The following DACH1 variants were observed in gnomAD, a reference collection of about 807,000 sequenced individuals.
DACH1 encodes the protein dachshund homolog 1.
In DACH1, 12 loss-of-function variants were observed where a neutral mutation model predicts 54.2. The observed-to-expected ratio is 0.22, with a 90% confidence interval of 0.14 to 0.36. The LOEUF (loss-of-function observed/expected upper bound fraction) is 0.36. DACH1 is among the 10% of genes least tolerant of loss of function. DACH1 has a pLI of 1.00. For synonymous variants in DACH1, 386 were observed against 366.2 expected, an observed-to-expected ratio of 1.05 and a Z score of -0.62; for missense variants, 805 against 929.8, an observed-to-expected ratio of 0.87 and a Z score of 1.75.
intron 4 of DACH1, 85 bp from the exon 5 acceptor site, chr13:71,560,040 A>G: frequency 7.4e-7 from 1 of 1,355,740 alleles, no homozygotes; most frequent in Non-Finnish European, 9.7e-7. Context: ...TTTTCTCAAT[A>G]CAATAAGAAA....
intron 6 of DACH1, among the ~76,000 whole-genome samples, chr13:71,519,323 A>G (rs1026309299): frequency 9.9e-5 from 15 of 151,944 alleles, no homozygotes; most frequent in South Asian, 2.1e-4. Context: ...TAGTATTTAA[A>G]CTTTCAAACA....
At chr13:71,850,520 C>T (rs143529777) in intron 1 of DACH1, among the ~76,000 whole-genome samples, 3 of 152,110 alleles carry the variant, frequency 2.0e-5, no homozygotes, top group South Asian at 2.1e-4. Flanking sequence ...ATGAACACTT[C>T]GCCACTTCCC....
intron 2 of DACH1, among the ~76,000 whole-genome samples, chr13:71,638,220 C>T (rs1877630914): frequency 6.6e-6 from 1 of 152,150 alleles, no homozygotes; most frequent in Non-Finnish European, 1.5e-5. Flanking sequence ...TGGCATTCTT[C>T]CTACTGATTA....
At chr13:71,683,980 T>C (rs1261378064) in intron 1 of DACH1, among the ~76,000 whole-genome samples, 3 of 152,136 alleles carry the variant, frequency 2.0e-5, no homozygotes, top group Non-Finnish European at 2.9e-5. Context: ...TGCTTTCCCC[T>C]GGTTCAGCGA....
chr13:71,775,284 A>C (rs1886021339), intron 1 of DACH1, among the ~76,000 whole-genome samples: 1 of 151,902 alleles, frequency 6.6e-6, no homozygotes, highest in Non-Finnish European at 1.5e-5. Context: ...CAGCCTGGGC[A>C]ACAGGGCAAG....
At chr13:71,634,967 C>T (rs1210944515) in intron 2 of DACH1, among the ~76,000 whole-genome samples, 1 of 152,080 alleles carries the variant, frequency 6.6e-6, no homozygotes, top group Non-Finnish European at 1.5e-5. Flanking sequence ...GGGGCTGGGG[C>T]CAAGGAGAGT....
chr13:71,659,963 A>G (rs1879384882), intron 2 of DACH1, among the ~76,000 whole-genome samples: 1 of 152,086 alleles, frequency 6.6e-6, no homozygotes, highest in Admixed American at 6.6e-5. Flanking sequence ...GCATTATACA[A>G]TTTCAATTCA....
chr13:71,701,638 G>C (rs899923115), intron 1 of DACH1, among the ~76,000 whole-genome samples: 1 of 152,122 alleles, frequency 6.6e-6, no homozygotes, highest in Non-Finnish European at 1.5e-5. Flanking sequence ...AATCTAAAAT[G>C]CACACTAAAA....
intron 2 of DACH1, among the ~76,000 whole-genome samples, chr13:71,657,763 G>A (rs915962699): frequency 2.6e-5 from 4 of 151,828 alleles, no homozygotes; most frequent in African/African-American, 9.7e-5. Context: ...TTATGTCTGA[G>A]TAATTCTATT....
chr13:71,741,965 A>T (rs1274219967), intron 1 of DACH1, among the ~76,000 whole-genome samples: 1 of 152,092 alleles, frequency 6.6e-6, no homozygotes, highest in African/African-American at 2.4e-5. Context: ...CCAAATTTCA[A>T]CTTGAATTGT....
At chr13:71,582,020 T>C (rs1008264715) in intron 3 of DACH1, among the ~76,000 whole-genome samples, 6 of 152,126 alleles carry the variant, frequency 3.9e-5, no homozygotes, top group African/African-American at 1.2e-4. Context: ...GTGAGGAAGA[T>C]TTGGAAGTCA....
intron 3 of DACH1, among the ~76,000 whole-genome samples, chr13:71,588,059 C>T (rs937924039): frequency 6.6e-6 from 1 of 152,060 alleles, no homozygotes; most frequent in African/African-American, 2.4e-5. Context: ...AATTTTGATG[C>T]AACACCACAT....
At chr13:71,627,674 G>A (rs1876758455) in intron 3 of DACH1, among the ~76,000 whole-genome samples, 1 of 152,068 alleles carries the variant, frequency 6.6e-6, no homozygotes, top group Non-Finnish European at 1.5e-5. Flanking sequence ...ATGACTGCCT[G>A]CTTACCTACC....
At chr13:71,531,645 A>G (rs1275261297) in intron 6 of DACH1, among the ~76,000 whole-genome samples, 1 of 152,082 alleles carries the variant, frequency 6.6e-6, no homozygotes, top group Non-Finnish European at 1.5e-5. Context: ...GCAAAGGAAT[A>G]GATAAAAAAA....
intron 10 of DACH1, among the ~76,000 whole-genome samples, chr13:71,460,185 T>C (rs1355389667): frequency 2.6e-5 from 4 of 152,130 alleles, no homozygotes; most frequent in Admixed American, 2.6e-4. Flanking sequence ...GAAAATCAGT[T>C]ATTATATGGC....
chr13:71,843,121 A>G (rs887619314), intron 1 of DACH1, among the ~76,000 whole-genome samples: 5 of 152,132 alleles, frequency 3.3e-5, no homozygotes, highest in African/African-American at 1.2e-4. Context: ...GTAGGTGTAT[A>G]CGTTACATGT....
intron 2 of DACH1, among the ~76,000 whole-genome samples, chr13:71,637,960 A>C (rs925303803): frequency 6.6e-6 from 1 of 152,194 alleles, no homozygotes; most frequent in African/African-American, 2.4e-5. Context: ...AAAGACATCA[A>C]GATGACTTCC....
intron 2 of DACH1, among the ~76,000 whole-genome samples, chr13:71,673,802 T>C (rs1323134776): frequency 6.6e-6 from 1 of 152,222 alleles, no homozygotes; most frequent in African/African-American, 2.4e-5. Flanking sequence ...ATGTTATTTC[T>C]ATAAATGTCA....
Position 71,493,965 on chromosome 13 carries a change from T to C in DACH1, c.1571-4817A>G, listed in dbSNP as rs149164543. Among the ~76,000 whole-genome samples the C allele has an allele frequency of 7.8e-3, 1,188 of 152,290 alleles. 17 individuals carry two copies. Among genetic ancestry groups the C allele is most frequent in the African/African-American group, 0.026 (1,094 of 41,578 alleles). Reference sequence around the variant, plus strand: ...TACAAGCTCCACTTTATAAGATTCTTAAATTATCTTGTTTTCTTTTATTAA... The same window carrying C: ...TACAAGCTCCACTTTATAAGATTCTCAAATTATCTTGTTTTCTTTTATTAA... On this transcript the variant is annotated intron_variant, in intron 6 of 10. Transcript: ENST00000613252.
Sources: allele counts gnomAD v4.1 joint callset (sites outside exome capture counted in the v4.1 genomes callset), GRCh38; gene constraint gnomAD v4.1.1; transcripts MANE v1.5; gene names NCBI Gene and HGNC (gene_info 2026-07-23, HGNC 2026-07-21).